The following RPL5 variants were observed in gnomAD, a reference collection of about 807,000 sequenced individuals.
RPL5 encodes the protein large ribosomal subunit protein uL18.
RPL5 carries 1 observed loss-of-function variant against 38.4 expected under a neutral mutation model. That is an observed-to-expected ratio of 0.03 (90% CI 0.01 to 0.12). The LOEUF (loss-of-function observed/expected upper bound fraction) is 0.12. RPL5 is among the 10% of genes least tolerant of loss of function. RPL5 has a pLI of 1.00. For missense variants in RPL5, 243 were observed against 374.1 expected (o/e 0.65, Z 2.89); for synonymous variants, 109 against 121.2 (o/e 0.90, Z 0.66).
At chr1:92,838,089 G>A (rs1268916385) in intron 6 of RPL5, among the ~76,000 whole-genome samples, 1 of 152,194 alleles carries the variant, frequency 6.6e-6, no homozygotes, top group Non-Finnish European at 1.5e-5. Flanking sequence ...GAGTCCCAAA[G>A]TGCTGGGCTT....
At chr1:92,832,682 A>G (rs148293748) in intron 1 of RPL5, 13 of 357,034 alleles carry the variant, frequency 3.6e-5, no homozygotes, top group Non-Finnish European at 6.1e-5. Context: ...CTCCTTTAAC[A>G]TGGAATACGT....
chr1:92,832,879 C>G (rs1558283375), intron 1 of RPL5: 7 of 630,904 alleles, frequency 1.1e-5, no homozygotes, highest in Non-Finnish European at 2.0e-5. Flanking sequence ...TTTTGAAAAA[C>G]ATAACATGGG....
intron 5 of RPL5, chr1:92,837,210 G>A (rs1687164180): frequency 2.7e-5 from 18 of 663,390 alleles, no homozygotes; most frequent in South Asian, 2.5e-4. Context: ...ATTTTGTAGT[G>A]GTGGAAAGCC....
chr1:92,841,879 CTA>C lies in RPL5; in HGVS notation c.*16_*17del. On this transcript the variant is annotated 3_prime_UTR_variant, in exon 8 of 8. Coordinates refer to ENST00000370321, the MANE Select transcript of RPL5 (RefSeq NM_000969.5). ...GCTGAGAGCTAAACCCAGCAATTTT[CTA>C]TGATTTTTTCAGATATAGATAATAA... 2 of 1,599,632 alleles carry C rather than the reference CTA, an allele frequency of 1.3e-6. No homozygotes were observed. Among genetic ancestry groups the C allele is most frequent in the Non-Finnish European group, 1.7e-6 (2 of 1,168,776 alleles).
At position 92,834,826 on chromosome 1, in the gene RPL5, T is replaced by C. The variant is rs900660871; in HGVS notation, c.237T>C (p.Tyr79=). The C allele has an allele frequency of 3.1e-6, 5 of 1,612,212 alleles. No individual in the cohort carries two copies. Among genetic ancestry groups the C allele is most frequent in the Non-Finnish European group, 4.2e-6 (5 of 1,179,938 alleles). ...GGGATATGATAGTCTGCGCAGCGTA[T>C]GCACACGAACTGCCAAAATATGGTG... ...IEGDMIVCAA[Y]AHELPKYGVK... is the part of the protein sequence containing the mutation. The change falls in exon 4 of 8, where the codon TAT becomes TAC. Residue 79 remains tyrosine (Y), a synonymous_variant. Transcript: ENST00000370321.
chr1:92,835,076 C>A (rs1413078409), intron 4 of RPL5, 163 bp downstream of exon 4: 1 of 1,014,170 alleles, frequency 9.9e-7, no homozygotes, highest in Non-Finnish European at 1.5e-6. Flanking sequence ...TCAGCTCTTT[C>A]CAATAAAATT....
Position 92,832,070 on chromosome 1 carries a change from TG to T in RPL5, c.-44del. The T allele has an allele frequency of 1.2e-6, 2 of 1,613,468 alleles. No individual in the cohort carries two copies. The highest frequency in any genetic ancestry group is 2.2e-5 in the South Asian group (2 of 90,932). On this transcript the variant is annotated 5_prime_UTR_variant, in exon 1 of 8. Coordinates refer to ENST00000370321, the MANE Select transcript of RPL5 (RefSeq NM_000969.5). ...TCCCACCCCCTAGCGCCGCTGGGCCTGCAGGTCTCTGTCGAGCAGCGGACGC... is the reference window on the plus strand; with the variant it reads ...TCCCACCCCCTAGCGCCGCTGGGCCTCAGGTCTCTGTCGAGCAGCGGACGC...
intron 7 of RPL5, 49 bp from the exon 8 acceptor site, chr1:92,841,717 T>G (rs1159254699): frequency 1.7e-6 from 2 of 1,183,402 alleles, no homozygotes; most frequent in Admixed American, 3.9e-5. Flanking sequence ...TTAAATATTC[T>G]ATTCTCTTCA....
chr1:92,836,662 C>A, intron 5 of RPL5: 1 of 426,896 alleles, frequency 2.3e-6, no homozygotes, highest in Non-Finnish European at 4.3e-6. Context: ...TTGCATATGA[C>A]TTAATTCTTA....
intron 6 of RPL5, among the ~76,000 whole-genome samples, chr1:92,839,376 C>T (rs949956877): frequency 6.6e-6 from 1 of 151,936 alleles, no homozygotes; most frequent in Non-Finnish European, 1.5e-5. Context: ...AAAAAATTGC[C>T]CAATAAAATA....
intron 5 of RPL5, 110 bp from the exon 6 acceptor site, chr1:92,837,346 T>C (rs1687170603): frequency 3.2e-6 from 3 of 927,526 alleles, no homozygotes; most frequent in African/African-American, 1.6e-5. Flanking sequence ...TGGTTGCATA[T>C]GATGCGATAA....
intron 2 of RPL5, 27 bp downstream of exon 2, chr1:92,833,485 T>C: frequency 1.2e-6 from 2 of 1,612,604 alleles, no homozygotes; most frequent in Non-Finnish European, 1.7e-6. Flanking sequence ...GTGTTTACAA[T>C]ATTAATCTGC....
At chr1:92,836,488 C>A in intron 5 of RPL5, 96 bp downstream of exon 5, 1 of 1,098,436 alleles carries the variant, frequency 9.1e-7, no homozygotes, top group Non-Finnish European at 1.4e-6. Flanking sequence ...AAGTAGCTAT[C>A]AATTGAATGC....
chr1:92,832,808 T>TG lies in RPL5; in HGVS notation c.4-576dup, dbSNP rs1686961886. 9 of 575,342 alleles carry TG rather than the reference T, an allele frequency of 1.6e-5. No individual in the cohort carries two copies. The East Asian group carries it at 2.6e-4, about 17-fold the overall frequency. The allele number at this position is 575,342 out of a possible 1,614,324, so 35.6% of individuals were successfully genotyped here. On this transcript the variant is annotated intron_variant, in intron 1 of 7. Coordinates refer to ENST00000370321, the MANE Select transcript of RPL5 (RefSeq NM_000969.5). ...CTGATGGGGAACAGTGCTGTTTTAG[T>TG]GGGGGAATTACTGCTGAATGTGCTC...
chr1:92,840,908 T>C (rs1687339728), intron 7 of RPL5: 2 of 566,482 alleles, frequency 3.5e-6, no homozygotes, highest in Admixed American at 2.1e-5. Context: ...TGTTGATCTT[T>C]CATGTTTTGA....
intron 1 of RPL5, chr1:92,832,785 G>A: frequency 1.9e-6 from 1 of 534,260 alleles, no homozygotes; most frequent in Non-Finnish European, 3.3e-6. Flanking sequence ...TGCTTTAGCT[G>A]ATGGGGAACA....
Position 92,834,772 on chromosome 1 carries a change from A to C in RPL5, c.190-7A>C. 6.2e-7 allele frequency: 1 copy of C among 1,612,770 alleles called. No homozygotes were observed. Among genetic ancestry groups the C allele is most frequent in the South Asian group, 1.1e-5 (1 of 91,022 alleles). On this transcript the variant is annotated splice_region_variant and splice_polypyrimidine_tract_variant and intron_variant, in intron 3 of 7. Coordinates refer to ENST00000370321, the MANE Select transcript of RPL5 (RefSeq NM_000969.5). Reference sequence around the variant, plus strand: ...AGATTACTAACCTAGTTTCTCTCTTACTATAGATTGCTTATGCCCGTATAG... The same window carrying C: ...AGATTACTAACCTAGTTTCTCTCTTCCTATAGATTGCTTATGCCCGTATAG...
intron 4 of RPL5, 83 bp downstream of exon 4, chr1:92,834,996 GA>G (rs1687061904): frequency 6.3e-7 from 1 of 1,580,624 alleles, no homozygotes; most frequent in Non-Finnish European, 8.6e-7. Context: ...ACATGGATAA[GA>G]TAGCTTAAGT....
At chr1:92,840,298 C>T in intron 6 of RPL5, 1 of 432,634 alleles carries the variant, frequency 2.3e-6, no homozygotes, top group Non-Finnish European at 4.3e-6. Flanking sequence ...AGGCATGAAC[C>T]ACCACACCTG....
Sources: gnomAD v4.1 joint callset for allele counts (sites outside exome capture counted in the v4.1 genomes callset) on GRCh38, gnomAD v4.1.1 for gene constraint, MANE v1.5 for transcripts, NCBI Gene and HGNC (gene_info 2026-07-23, HGNC 2026-07-21) for gene names.